TMEM132C: variants seen among roughly 807,000 people sequenced by gnomAD.
The protein encoded by TMEM132C is protein phosphatase 1, regulatory subunit 152.
A neutral mutation model predicts 61.4 loss-of-function variants in TMEM132C; 29 were observed. The ratio of observed to expected loss-of-function variants is 0.47; its 90% CI spans 0.35 to 0.64. The LOEUF is 0.64. Among genes scored for constraint, TMEM132C ranks in the 30% least tolerant of loss-of-function variants. TMEM132C has a pLI of 0.00. For missense variants in TMEM132C, 1,408 were observed against 1,476.9 expected (o/e 0.95, Z 0.76); for synonymous variants, 656 against 633.1 (o/e 1.04, Z -0.54).
chr12:128,561,949 C>T (rs779689788), intron 3 of TMEM132C, among the ~76,000 whole-genome samples: 15 of 151,940 alleles, frequency 9.9e-5, no homozygotes, highest in East Asian at 1.9e-4. Flanking sequence ...GGATGGAGAG[C>T]GAGGGAGGGC....
chr12:128,572,043 C>T (rs1262888424), intron 3 of TMEM132C, among the ~76,000 whole-genome samples: 3 of 151,818 alleles, frequency 2.0e-5, no homozygotes, highest in Admixed American at 1.3e-4. Flanking sequence ...GGGTCACATT[C>T]CTACTGTGGC....
Position 128,555,262 on chromosome 12 carries a change from T to C in TMEM132C, c.1121+11159T>C, listed in dbSNP as rs188811345. On this transcript the variant is annotated intron_variant, in intron 3 of 8. Transcript: ENST00000435159. ...TTATATACATAACTGTGCTTGGCTA[T>C]TTGTTTTGGAGAATTCTGGAACAGG... Among the ~76,000 whole-genome samples the C allele has an allele frequency of 1.2e-4, 18 of 152,348 alleles. No individual in the cohort carries two copies. In the East Asian group the frequency reaches 2.9e-3, roughly 24 times the overall value.
At chr12:128,677,584 G>A (rs1196308601) in intron 5 of TMEM132C, among the ~76,000 whole-genome samples, 1 of 152,102 alleles carries the variant, frequency 6.6e-6, no homozygotes, top group Non-Finnish European at 1.5e-5. Flanking sequence ...TATTTGGACA[G>A]CACCCTATGT....
intron 2 of TMEM132C, among the ~76,000 whole-genome samples, chr12:128,486,988 T>C (rs1012119033): frequency 7.3e-5 from 11 of 151,580 alleles, no homozygotes; most frequent in Non-Finnish European, 1.2e-4. Flanking sequence ...GAAATCGTAA[T>C]GATTCTAAGG....
At chr12:128,282,048 G>A (rs1425275226) in intron 1 of TMEM132C, among the ~76,000 whole-genome samples, 2 of 152,242 alleles carry the variant, frequency 1.3e-5, no homozygotes, top group East Asian at 1.9e-4. Context: ...GTTTTTTGTT[G>A]TTTTTATGTT....
At chr12:128,338,107 A>G (rs1207099111) in intron 1 of TMEM132C, among the ~76,000 whole-genome samples, 1 of 148,670 alleles carries the variant, frequency 6.7e-6, no homozygotes, top group African/African-American at 2.5e-5. Context: ...TTTAACCTTG[A>G]TTTTTACTGG....
At chr12:128,428,200 G>A (rs1023044566) in intron 2 of TMEM132C, among the ~76,000 whole-genome samples, 1 of 151,826 alleles carries the variant, frequency 6.6e-6, no homozygotes, top group Non-Finnish European at 1.5e-5. Flanking sequence ...GCTTATTTTG[G>A]TTGCTACTCT....
chr12:128,668,570 G>A (rs1954500753), intron 4 of TMEM132C, among the ~76,000 whole-genome samples: 1 of 152,158 alleles, frequency 6.6e-6, no homozygotes, highest in Admixed American at 6.5e-5. Flanking sequence ...TTGTTGCTGG[G>A]AGCAATCCAG....
chr12:128,267,433 G>A lies in TMEM132C; in HGVS notation c.31G>A (p.Ala11Thr). The change falls in exon 1 of 9, where the codon GCG becomes ACG. Residue 11 changes from alanine (A) to threonine (T), a missense_variant. Transcript: ENST00000435159. MRSEGAAPGP[A>T]APLCGALSLL... The stretch of plus-strand genomic sequence containing the variant: ...CTCCGAGGGTGCGGCCCCCGGGCCG[G>A]CGGCGCCGCTGTGCGGGGCGCTGAG... The A allele has an allele frequency of 8.0e-7, 1 of 1,247,502 alleles. No homozygotes were observed. Among genetic ancestry groups the A allele is most frequent in the Non-Finnish European group, 1.0e-6 (1 of 997,078 alleles). The allele number at this position is 1,247,502 out of a possible 1,614,324, so 77.3% of individuals were successfully genotyped here.
intron 1 of TMEM132C, among the ~76,000 whole-genome samples, chr12:128,330,294 G>C (rs1003550057): frequency 6.6e-6 from 1 of 152,176 alleles, no homozygotes; most frequent in African/African-American, 2.4e-5. Context: ...CAATTTGATT[G>C]AGTAAACTAA....
At chr12:128,307,163 G>T (rs954734234) in intron 1 of TMEM132C, among the ~76,000 whole-genome samples, 2 of 152,076 alleles carry the variant, frequency 1.3e-5, no homozygotes, top group Non-Finnish European at 2.9e-5. Context: ...CACCATAAGA[G>T]GCAAGGAGCT....
chr12:128,656,506 A>C (rs1025049907), intron 4 of TMEM132C, among the ~76,000 whole-genome samples: 2 of 152,244 alleles, frequency 1.3e-5, no homozygotes, highest in Non-Finnish European at 2.9e-5. Context: ...GATTTTCTAA[A>C]GTACTGCATA....
chr12:128,506,185 C>T (rs534055781), intron 2 of TMEM132C, among the ~76,000 whole-genome samples: 1 of 152,320 alleles, frequency 6.6e-6, no homozygotes, highest in Admixed American at 6.5e-5. Context: ...CGTCTCTAGA[C>T]ATCATGCCAG....
intron 8 of TMEM132C, among the ~76,000 whole-genome samples, chr12:128,704,040 G>A (rs1954820101): frequency 6.6e-6 from 1 of 152,222 alleles, no homozygotes. Flanking sequence ...ATTGCCCTGG[G>A]GAGGAGGCGA....
In TMEM132C at chr12:128,431,092, G is replaced by A. The variant is rs188886853; in HGVS notation, c.974+15472G>A. On this transcript the variant is annotated intron_variant, in intron 2 of 8. Transcript: ENST00000435159. ...CTCTTATGCCAGTTACCCAAGTTGC[G>A]AACGCAAAGGAAAGTTCTGGAAGGA... is the stretch of plus-strand genomic sequence containing the variant. Among the ~76,000 whole-genome samples the A allele has an allele frequency of 2.8e-3, 431 of 152,300 alleles. 2 individuals are homozygous for A. Among genetic ancestry groups the A allele is most frequent in the African/African-American group, 9.9e-3 (410 of 41,568 alleles).
intron 4 of TMEM132C, among the ~76,000 whole-genome samples, chr12:128,659,382 G>A (rs1954361571): frequency 6.6e-6 from 1 of 152,188 alleles, no homozygotes; most frequent in African/African-American, 2.4e-5. Context: ...ATTCTGAGAA[G>A]CAGCACATGG....
Position 128,656,847 on chromosome 12 carries a change from G to A in TMEM132C, c.1306-12570G>A, listed in dbSNP as rs73428478. Among the ~76,000 whole-genome samples, 424 of 152,260 alleles carry A rather than the reference G, an allele frequency of 2.8e-3. 4 individuals are homozygous for A. Among genetic ancestry groups the A allele is most frequent in the Middle Eastern group, 0.01 (3 of 294 alleles). The stretch of plus-strand genomic sequence containing the variant: ...CAGTAACTGAAGAAAAAAAGAGAGT[G>A]GATATTGAGAGGCAGCCTCTTTTGC... On this transcript the variant is annotated intron_variant, in intron 4 of 8. Transcript: ENST00000435159.
rs527989696 is a variant in TMEM132C at position 128,278,652 on chromosome 12, A to G, written c.85+11165A>G. Reference sequence around the variant, plus strand: ...CCTACAAACATCAGCTTTTTACTAAACCCCGGTGGTCAGGGTGTCCATGAT... The same window carrying G: ...CCTACAAACATCAGCTTTTTACTAAGCCCCGGTGGTCAGGGTGTCCATGAT... On this transcript the variant is annotated intron_variant, in intron 1 of 8. Transcript: ENST00000435159. This position sits in a 1 kb window ranked among gnomAD's most constrained non-coding sequence, Gnocchi z 4.2. Among the ~76,000 whole-genome samples, 7 of 151,364 alleles carry G rather than the reference A, an allele frequency of 4.6e-5. No homozygotes were observed. The highest frequency in any genetic ancestry group is 1.7e-4 in the African/African-American group (7 of 41,214).
chr12:128,313,647 C>T (rs1013059027), intron 1 of TMEM132C, among the ~76,000 whole-genome samples: 1 of 152,102 alleles, frequency 6.6e-6, no homozygotes, highest in African/African-American at 2.4e-5. Context: ...TAGCTTAGAC[C>T]AATTAGGATC....
Sources: gnomAD v4.1 joint callset for allele counts (sites outside exome capture counted in the v4.1 genomes callset) on GRCh38, gnomAD v4.1.1 for gene constraint, Gnocchi (gnomAD v3.1) non-coding constraint, MANE v1.5 for transcripts, NCBI Gene and HGNC (gene_info 2026-07-23, HGNC 2026-07-21) for gene names.